TGIF1: variants seen among roughly 807,000 people sequenced by gnomAD.
TGIF1 encodes TGFB induced factor homeobox 1.
Under a neutral mutation model 19.3 loss-of-function variants are expected in TGIF1, and 4 were observed. The observed-to-expected ratio is 0.21, with a 90% CI of 0.10 to 0.47. The LOEUF is 0.47. Ranked by LOEUF, TGIF1 falls within the 20% of genes least tolerant of loss-of-function variation. The probability of loss-of-function intolerance (pLI) is 0.98; values close to 1 mark genes in which losing one functional copy is unlikely to be tolerated. For synonymous variants in TGIF1, 122 were observed against 129.3 expected (o/e 0.94, Z 0.38); for missense variants, 275 against 341.4 (o/e 0.81, Z 1.53).
At chr18:3,449,180 G>C (rs925507601), upstream of TGIF1, among the ~76,000 whole-genome samples, 7 of 152,170 alleles carry the variant, frequency 4.6e-5, no homozygotes, top group Middle Eastern at 3.2e-3. Flanking sequence ...AAGCCAACAG[G>C]AACGGGTGTT....
At chr18:3,429,048 G>A (rs1363389837) in intron 2 of TGIF1, among the ~76,000 whole-genome samples, 7 of 151,592 alleles carry the variant, frequency 4.6e-5, no homozygotes, top group Non-Finnish European at 8.8e-5. Flanking sequence ...GCCAGACTCC[G>A]TCTCCAAAAA....
chr18:3,439,995 T>A (rs2082662127), intron 2 of TGIF1, among the ~76,000 whole-genome samples: 1 of 150,882 alleles, frequency 6.6e-6, no homozygotes, highest in South Asian at 2.1e-4. Flanking sequence ...CACTCCAGCT[T>A]GGGCAACAGA....
Position 3,456,414 on chromosome 18 carries a change from A to T in TGIF1, c.77A>T (p.Asp26Val). The change falls in exon 2 of 3, where the codon GAC becomes GTC. Residue 26 changes from aspartate to valine, a missense_variant. Physicochemically the swap from Asp to Val is radical, Grantham distance 152 (BLOSUM62 -3). Coordinates refer to ENST00000343820, the MANE Select transcript of TGIF1 (RefSeq NM_003244.4). The surrounding 1 kb of genome is among the most constrained non-coding windows in gnomAD (Gnocchi z 4.2). ...GAGGACAGCATGGACATTCCCTTGG[A>T]CCTTTCTTCATCCGCTGGCTCAGGC... is the stretch of plus-strand genomic sequence containing the variant. ...EDEDSMDIPLDLSSSAGSGKR... is the reference protein window; with the variant it reads ...EDEDSMDIPLVLSSSAGSGKR... 1 of 1,614,172 alleles carries T rather than the reference A, an allele frequency of 6.2e-7. No homozygotes were observed. The highest frequency in any genetic ancestry group is 8.5e-7 in the Non-Finnish European group (1 of 1,180,032).
chr18:3,427,974 C>G (rs763509756), intron 2 of TGIF1, among the ~76,000 whole-genome samples: 3 of 152,184 alleles, frequency 2.0e-5, no homozygotes, highest in Non-Finnish European at 4.4e-5. Flanking sequence ...AACGTGGTGG[C>G]CACACCCCTG....
chr18:3,423,721 G>A (rs1222757879), intron 2 of TGIF1, among the ~76,000 whole-genome samples: 1 of 151,838 alleles, frequency 6.6e-6, no homozygotes, highest in African/African-American at 2.4e-5. Flanking sequence ...CGGGTGTGGT[G>A]GTGCACACTT....
rs2049440499 is a variant in TGIF1, at chr18:3,458,686, T to G, written c.*746T>G. The G allele has an allele frequency of 6.5e-6, 1 of 152,936 alleles. No homozygotes were observed. Among genetic ancestry groups the G allele is most frequent in the Non-Finnish European group, 1.5e-5 (1 of 68,634 alleles). The allele number at this position is 152,936 out of a possible 1,614,324, so 9.5% of individuals were successfully genotyped here. ...AGTGTTTAGCTAGCCACTAAATCCCTTGCTGATCTGTCCTGCGTAGTTTAA... is the reference window on the plus strand; with the variant it reads ...AGTGTTTAGCTAGCCACTAAATCCCGTGCTGATCTGTCCTGCGTAGTTTAA... On this transcript the variant is annotated 3_prime_UTR_variant, in exon 3 of 3. Coordinates refer to ENST00000343820, the MANE Select transcript of TGIF1 (RefSeq NM_003244.4).
intron 2 of TGIF1, among the ~76,000 whole-genome samples, chr18:3,432,364 C>T (rs566018862): frequency 7.9e-5 from 12 of 152,246 alleles, no homozygotes; most frequent in Admixed American, 7.2e-4. Context: ...CAATACAGTG[C>T]GTGATCCTAC....
intron 1 of TGIF1, among the ~76,000 whole-genome samples, chr18:3,416,307 G>A (rs1180086491): frequency 7.2e-5 from 11 of 152,136 alleles, no homozygotes; most frequent in African/African-American, 2.4e-4. Context: ...ATTGCCTGAG[G>A]TCAGGAGTTT....
intron 2 of TGIF1, among the ~76,000 whole-genome samples, chr18:3,421,040 C>T (rs2082391522): frequency 6.6e-6 from 1 of 151,972 alleles, no homozygotes; most frequent in Non-Finnish European, 1.5e-5. Flanking sequence ...ATGGTGGTCC[C>T]ATAAGATTAT....
rs143241337 is a variant in TGIF1, at chr18:3,417,139, G to GT, written c.-117-998dup. 6.0e-3 allele frequency among the ~76,000 whole-genome samples: 916 copies of GT among 152,102 alleles called. 14 individuals are homozygous for GT. Among genetic ancestry groups the GT allele is most frequent in the African/African-American group, 0.021 (879 of 41,494 alleles). On this transcript the variant is annotated intron_variant, in intron 1 of 3. Coordinates refer to the TGIF1 transcript ENST00000401449. ...CTAGACGTCCAGCAAGGTTTTATTT[G>GT]TTTTTTGTTGTTGTTGTTGTTCGTT...
chr18:3,416,995 A>T (rs1384409810), intron 1 of TGIF1, among the ~76,000 whole-genome samples: 3 of 152,186 alleles, frequency 2.0e-5, no homozygotes, highest in South Asian at 2.1e-4. Flanking sequence ...TACTCTTTTT[A>T]AAAAAAGAAA....
At position 3,418,463 on chromosome 18, in the gene TGIF1, A is replaced by G. The variant is rs147260113; in HGVS notation, c.-45+248A>G. 2.4e-3 allele frequency: 369 copies of G among 152,372 alleles called. 1 individual carries two copies. The highest frequency in any genetic ancestry group is 8.5e-3 in the African/African-American group (355 of 41,584). 9.4% of individuals were successfully genotyped at this position (152,372 alleles called of 1,614,324 possible). On this transcript the variant is annotated intron_variant, in intron 2 of 3. Coordinates refer to the TGIF1 transcript ENST00000401449. ...ATATAAAATGGCATAGTATTTGCAT[A>G]TAACCTGTGCATACCCACCTGCATA...
At chr18:3,449,608 G>C, upstream of TGIF1, 1 of 984,742 alleles carries the variant, frequency 1.0e-6, no homozygotes. Flanking sequence ...GGAGAAGGGT[G>C]CGCCGCGCCG....
intron 2 of TGIF1, among the ~76,000 whole-genome samples, chr18:3,429,542 G>T (rs372799230): frequency 6.6e-5 from 10 of 152,020 alleles, no homozygotes; most frequent in African/African-American, 2.4e-4. Flanking sequence ...TCTCTCATCC[G>T]CTACCATGGG....
chr18:3,449,996 C>A, upstream of TGIF1: 3 of 989,242 alleles, frequency 3.0e-6, no homozygotes, highest in Non-Finnish European at 3.6e-6. Flanking sequence ...CGGCCACCCC[C>A]CGCGTCCGCA....
intron 2 of TGIF1, among the ~76,000 whole-genome samples, chr18:3,424,306 G>T (rs914491970): frequency 1.7e-4 from 26 of 151,968 alleles, no homozygotes; most frequent in African/African-American, 6.0e-4. Context: ...TATCTCACAC[G>T]AGAGTGTGAA....
At position 3,422,681 on chromosome 18, in the gene TGIF1, T is replaced by G. The variant is rs12958849; in HGVS notation, c.-45+4466T>G. On this transcript the variant is annotated intron_variant, in intron 2 of 3. Transcript: ENST00000401449. ...TGCCCTATATAGGTGGCCTTTTTTTTTTTTTTTTTTTTTTTTTTTTTTTTT... is the reference window on the plus strand; with the variant it reads ...TGCCCTATATAGGTGGCCTTTTTTTGTTTTTTTTTTTTTTTTTTTTTTTTT... 8.8e-4 allele frequency among the ~76,000 whole-genome samples: 109 copies of G among 123,890 alleles called. 8 individuals are homozygous for G. Among genetic ancestry groups the G allele is most frequent in the African/African-American group, 3.2e-3 (106 of 32,924 alleles). The allele number at this position is 123,890 out of a possible 152,430, so 81.3% of individuals were successfully genotyped here.
intron 2 of TGIF1, among the ~76,000 whole-genome samples, chr18:3,424,088 TA>T (rs1384247120): frequency 6.6e-6 from 1 of 152,174 alleles, no homozygotes; most frequent in Non-Finnish European, 1.5e-5. Context: ...CTTTCATGTT[TA>T]TTTGGGTCTA....
chr18:3,452,808 G>A (rs2083020901), intron 1 of TGIF1, among the ~76,000 whole-genome samples: 1 of 152,274 alleles, frequency 6.6e-6, no homozygotes, highest in African/African-American at 2.4e-5. Context: ...ATCTTTTCAA[G>A]TTTTCTTAAA....
Sources: allele counts gnomAD v4.1 joint callset (sites outside exome capture counted in the v4.1 genomes callset), GRCh38; gene constraint gnomAD v4.1.1; non-coding constraint Gnocchi (gnomAD v3.1); transcripts MANE v1.5; gene names NCBI Gene and HGNC (gene_info 2026-07-23, HGNC 2026-07-21).